Variants in COLEC12 observed in about 807,000 individuals in gnomAD.
COLEC12 encodes collectin subfamily member 12.
Under a neutral mutation model 71.1 loss-of-function variants are expected in COLEC12, and 33 were observed. The observed-to-expected ratio is 0.46, with a 90% CI of 0.35 to 0.62. The LOEUF is 0.62. COLEC12 is among the 20% of genes least tolerant of loss of function. The pLI, the probability that COLEC12 is intolerant of heterozygous loss-of-function variation, is 0.00. For synonymous variants in COLEC12, 350 were observed against 353.0 expected (o/e 0.99, Z 0.10); for missense variants, 765 against 916.1 (o/e 0.84, Z 2.13).
intron 2 of COLEC12, among the ~76,000 whole-genome samples, chr18:441,128 G>C (rs1261149992): frequency 1.7e-4 from 21 of 121,288 alleles, no homozygotes; most frequent in Non-Finnish European, 3.1e-4. Context: ...GGCGCCTGTA[G>C]TCCCAGCTGC....
intron 3 of COLEC12, among the ~76,000 whole-genome samples, chr18:350,835 G>A (rs1296163601): frequency 1.3e-5 from 2 of 151,904 alleles, no homozygotes; most frequent in African/African-American, 4.8e-5. Flanking sequence ...GGCTGAGGCA[G>A]GAGAATTGCT....
At chr18:356,509 T>C (rs973191003) in intron 3 of COLEC12, among the ~76,000 whole-genome samples, 12 of 152,184 alleles carry the variant, frequency 7.9e-5, no homozygotes, top group Admixed American at 2.0e-4. Context: ...GTGGGAGGAA[T>C]GACCAGTTGG....
chr18:346,413 T>C lies in COLEC12; in HGVS notation c.1209A>G (p.Gln403=). ...TGTCTAACCTCGACCTCATCAAATC[T>C]TGTTGCATCCTGAGAGAAACAGAAT... ...RLDSVSLRMQ[Q]DLMRSRLDTE... The change falls in exon 5 of 10, where the codon CAA becomes CAG. Residue 403 remains glutamine, a synonymous_variant. Transcript: ENST00000400256. The surrounding 1 kb of genome is among the most constrained non-coding windows in gnomAD (Gnocchi z 4.0). 6.2e-7 allele frequency: 1 copy of C among 1,614,166 alleles called. No homozygotes were observed. Among genetic ancestry groups the C allele is most frequent in the Non-Finnish European group, 8.5e-7 (1 of 1,180,016 alleles).
chr18:357,570 T>C (rs685658), intron 2 of COLEC12, 48 bp from the exon 3 acceptor site: 454,839 of 1,459,298 alleles, frequency 0.31, 73,181 homozygotes, highest in African/African-American at 0.33. Flanking sequence ...GATGTCATTT[T>C]AAAATTTATC....
intron 2 of COLEC12, among the ~76,000 whole-genome samples, chr18:421,004 T>G (rs1916088294): frequency 6.6e-6 from 1 of 152,200 alleles, no homozygotes; most frequent in Non-Finnish European, 1.5e-5. Flanking sequence ...TTATTCAAAC[T>G]AGCCGTTCCT....
intron 2 of COLEC12, among the ~76,000 whole-genome samples, chr18:401,112 G>T (rs1338781523): frequency 6.6e-6 from 1 of 152,150 alleles, no homozygotes; most frequent in Non-Finnish European, 1.5e-5. Context: ...AGAAGGCAAG[G>T]GTGGAGTGGA....
rs769241792 is a variant in COLEC12, at chr18:346,775, G to A, written c.847C>T (p.Leu283=). 1 of 1,614,214 alleles carries A rather than the reference G, an allele frequency of 6.2e-7. No homozygotes were observed. Among genetic ancestry groups the A allele is most frequent in the Non-Finnish European group, 8.5e-7 (1 of 1,180,030 alleles). The change falls in exon 5 of 10, where the codon CTG becomes TTG. Residue 283 remains leucine, a synonymous_variant. Transcript: ENST00000400256. This position sits in a 1 kb window ranked among gnomAD's most constrained non-coding sequence, Gnocchi z 4.0. ...TTGAGCTGGCTGTTCATATCCTCCA[G>A]GGTGTCGTTGTTGGCTTTGGCCAAC... ...SALAKANNDT[L]EDMNSQLNSF...
intron 2 of COLEC12, among the ~76,000 whole-genome samples, chr18:416,962 G>T (rs1402980512): frequency 2.0e-5 from 3 of 151,864 alleles, no homozygotes; most frequent in Non-Finnish European, 4.4e-5. Flanking sequence ...GGATGTGTGG[G>T]AAAGTATACC....
rs2143629986 is a variant in COLEC12, at chr18:408,069, G to A, written c.59-50547C>T. Among the ~76,000 whole-genome samples, 1 of 152,322 alleles carries A rather than the reference G, an allele frequency of 6.6e-6. No individual in the cohort carries two copies. Among genetic ancestry groups the A allele is most frequent in the South Asian group, 2.1e-4 (1 of 4,828 alleles). On this transcript the variant is annotated intron_variant, in intron 2 of 9. Coordinates refer to ENST00000400256, the MANE Select transcript of COLEC12 (RefSeq NM_130386.3). The surrounding 1 kb of genome is among the most constrained non-coding windows in gnomAD (Gnocchi z 4.3). ...AAGGAATCCAGTTGGCACTAACCTA[G>A]GAAATGAATTTTTAATAACTCTAAT...
intron 1 of COLEC12, among the ~76,000 whole-genome samples, chr18:482,516 G>C (rs1405208567): frequency 6.6e-6 from 1 of 152,136 alleles, no homozygotes; most frequent in Admixed American, 6.6e-5. Flanking sequence ...TTCTCTCACA[G>C]GCAACTCAGC....
chr18:348,328 A>C (rs1914432264), intron 3 of COLEC12, among the ~76,000 whole-genome samples, 165 bp from the exon 4 acceptor site: 2 of 152,244 alleles, frequency 1.3e-5, no homozygotes, highest in African/African-American at 2.4e-5. Flanking sequence ...TTGGAAAAAT[A>C]ACTTACTTGT....
chr18:367,658 G>C (rs1200222505), intron 2 of COLEC12, among the ~76,000 whole-genome samples: 1 of 152,142 alleles, frequency 6.6e-6, no homozygotes, highest in Non-Finnish European at 1.5e-5. Context: ...TGATCCAAAT[G>C]AGGAAAAGTT....
At chr18:360,161 C>A (rs1296194) in intron 2 of COLEC12, among the ~76,000 whole-genome samples, 45,105 of 151,144 alleles carry the variant, frequency 0.3, 6,872 homozygotes, top group South Asian at 0.34. Flanking sequence ...TGAGAAGGGA[C>A]CTGAGAATTT....
At chr18:413,357 G>C (rs115125817) in intron 2 of COLEC12, among the ~76,000 whole-genome samples, 3,559 of 152,268 alleles carry the variant, frequency 0.023, 50 homozygotes, top group African/African-American at 0.042. Flanking sequence ...ACAAATGCTG[G>C]AGAGGATGTA....
chr18:394,216 G>A (rs571688194), intron 2 of COLEC12, among the ~76,000 whole-genome samples: 52 of 152,178 alleles, frequency 3.4e-4, no homozygotes, highest in African/African-American at 1.1e-3. Flanking sequence ...CTGTTTTGTC[G>A]TTCCATAGGA....
At chr18:357,984 C>T (rs1415334319) in intron 2 of COLEC12, among the ~76,000 whole-genome samples, 1 of 152,202 alleles carries the variant, frequency 6.6e-6, no homozygotes, top group Non-Finnish European at 1.5e-5. Context: ...TCAGTGGCAG[C>T]ATTAGATTCT....
intron 2 of COLEC12, among the ~76,000 whole-genome samples, chr18:475,171 T>G (rs183386227): frequency 8.5e-5 from 13 of 152,278 alleles, no homozygotes; most frequent in African/African-American, 2.9e-4. Context: ...TGCAAATGGT[T>G]TTGGACATTT....
chr18:385,387 C>T (rs574629514), intron 2 of COLEC12, among the ~76,000 whole-genome samples: 51 of 142,256 alleles, frequency 3.6e-4, no homozygotes, highest in Admixed American at 6.7e-4. Context: ...TTCAGTGGTG[C>T]GATCTCGGCT....
chr18:329,583 G>A (rs984912446), intron 8 of COLEC12, among the ~76,000 whole-genome samples: 27 of 152,142 alleles, frequency 1.8e-4, no homozygotes, highest in Non-Finnish European at 2.1e-4. Flanking sequence ...TGGCTCATCA[G>A]GCAAAGTCTC....
Sources: allele counts gnomAD v4.1 joint callset (sites outside exome capture counted in the v4.1 genomes callset), GRCh38; gene constraint gnomAD v4.1.1; non-coding constraint Gnocchi (gnomAD v3.1); transcripts MANE v1.5; gene names NCBI Gene and HGNC (gene_info 2026-07-23, HGNC 2026-07-21).